The following COL19A1 variants were observed in gnomAD, a reference collection of about 807,000 sequenced individuals.
COL19A1 encodes collagen type XIX alpha 1 chain, also known as collagen alpha-1(XIX) chain.
Under a neutral mutation model 190.2 loss-of-function variants are expected in COL19A1, and 159 were observed. That is an observed-to-expected ratio of 0.84 (90% CI 0.73 to 0.95). The LOEUF is 0.95. Among genes scored for constraint, COL19A1 ranks in the 40% least tolerant of loss-of-function variants. The pLI is 0.00. For synonymous variants in COL19A1, 509 were observed against 458.9 expected, an observed-to-expected ratio of 1.11 and a Z score of -1.39; for missense variants, 1,418 against 1,431.9, an observed-to-expected ratio of 0.99 and a Z score of 0.16.
intron 9 of COL19A1, among the ~76,000 whole-genome samples, chr6:69,945,134 C>G (rs1380390369): frequency 6.6e-6 from 1 of 151,910 alleles, no homozygotes; most frequent in African/African-American, 2.4e-5. Context: ...GAAGTGTTAT[C>G]TGAGCTCCAT....
chr6:69,881,275 T>G (rs577217627), intron 2 of COL19A1, among the ~76,000 whole-genome samples: 2 of 152,214 alleles, frequency 1.3e-5, no homozygotes, highest in African/African-American at 2.4e-5. Flanking sequence ...TTCTTTTTTC[T>G]TTTCACCTGG....
chr6:69,904,899 A>G (rs1770447059), intron 4 of COL19A1, among the ~76,000 whole-genome samples: 1 of 151,560 alleles, frequency 6.6e-6, no homozygotes, highest in Non-Finnish European at 1.5e-5. Context: ...CTGAGCATGT[A>G]TTTCACACAG....
At chr6:70,086,341 A>G (rs965378120) in intron 15 of COL19A1, among the ~76,000 whole-genome samples, 3 of 152,160 alleles carry the variant, frequency 2.0e-5, no homozygotes, top group Non-Finnish European at 4.4e-5. Flanking sequence ...GAAAAAATAC[A>G]TAAGTACATA....
intron 16 of COL19A1, among the ~76,000 whole-genome samples, chr6:70,109,564 G>C (rs1178052413): frequency 6.6e-6 from 1 of 151,688 alleles, no homozygotes; most frequent in Non-Finnish European, 1.5e-5. Context: ...GTGTGTGTGT[G>C]TGTGTGTGTG....
chr6:70,046,810 C>G (rs1276708639), intron 14 of COL19A1, among the ~76,000 whole-genome samples: 1 of 152,100 alleles, frequency 6.6e-6, no homozygotes, highest in East Asian at 1.9e-4. Flanking sequence ...TGTGAAATAA[C>G]TTGCTATAAA....
intron 11 of COL19A1, 115 bp from the exon 12 acceptor site, chr6:70,023,512 A>G (rs1778553957): frequency 5.1e-6 from 4 of 778,104 alleles, no homozygotes; most frequent in African/African-American, 1.8e-5. Flanking sequence ...GTGCCTTTCA[A>G]GGGTTTAGCA....
At chr6:70,061,538 AT>A (rs1317718602) in intron 14 of COL19A1, among the ~76,000 whole-genome samples, 2 of 152,014 alleles carry the variant, frequency 1.3e-5, no homozygotes, top group African/African-American at 4.8e-5. Context: ...TATCATAAAT[AT>A]TTTTTGCGTT....
chr6:70,092,705 T>C (rs1027724997), intron 15 of COL19A1, among the ~76,000 whole-genome samples: 1 of 152,194 alleles, frequency 6.6e-6, no homozygotes, highest in South Asian at 2.1e-4. Flanking sequence ...AATGTAGTTC[T>C]GTGAACTTAT....
At chr6:70,069,820 T>C (rs755261150) in intron 15 of COL19A1, among the ~76,000 whole-genome samples, 1 of 152,214 alleles carries the variant, frequency 6.6e-6, no homozygotes, top group Non-Finnish European at 1.5e-5. Flanking sequence ...TCATCTTTAT[T>C]GATTTTAATC....
At chr6:70,198,088 G>A (rs768203414) in intron 48 of COL19A1, among the ~76,000 whole-genome samples, 2 of 152,124 alleles carry the variant, frequency 1.3e-5, no homozygotes, top group Non-Finnish European at 1.5e-5. Flanking sequence ...ATCTGTTTAA[G>A]TATGCCTTTG....
At chr6:70,072,834 G>T (rs1291484052) in intron 15 of COL19A1, among the ~76,000 whole-genome samples, 1 of 152,078 alleles carries the variant, frequency 6.6e-6, no homozygotes, top group Non-Finnish European at 1.5e-5. Flanking sequence ...TCCTCCATGA[G>T]CTGGGAGCCT....
At chr6:70,157,755 A>G (rs1283529529) in intron 34 of COL19A1, among the ~76,000 whole-genome samples, 2 of 152,154 alleles carry the variant, frequency 1.3e-5, no homozygotes, top group Non-Finnish European at 1.5e-5. Flanking sequence ...AGGTTTTACT[A>G]AAGTACAAGC....
intron 10 of COL19A1, among the ~76,000 whole-genome samples, chr6:69,962,370 A>G (rs1275745835): frequency 1.3e-5 from 2 of 152,240 alleles, no homozygotes. Context: ...ACCTGAACTC[A>G]TTCATCATAA....
intron 31 of COL19A1, among the ~76,000 whole-genome samples, chr6:70,155,876 A>C (rs1312110969): frequency 6.6e-6 from 1 of 152,132 alleles, no homozygotes; most frequent in Non-Finnish European, 1.5e-5. Flanking sequence ...TTTAAGTGTC[A>C]TTGGAGACCT....
chr6:70,207,902 A>G lies in COL19A1; in HGVS notation c.*628A>G, dbSNP rs1338641432. 3 of 152,210 alleles carry G rather than the reference A, an allele frequency of 2.0e-5. No homozygotes were observed. Among genetic ancestry groups the G allele is most frequent in the Admixed American group, 2.0e-4 (3 of 15,284 alleles). The allele number at this position is 152,210 out of a possible 1,614,324, so 9.4% of individuals were successfully genotyped here. ...GGAAACTGTTTTATCAGGGAGCCCA[A>G]ACACCCAGCATAGCCAACTACTGAA... On this transcript the variant is annotated 3_prime_UTR_variant, in exon 51 of 51. Coordinates refer to ENST00000620364, the MANE Select transcript of COL19A1 (RefSeq NM_001858.6).
intron 4 of COL19A1, among the ~76,000 whole-genome samples, chr6:69,916,057 C>T (rs940148568): frequency 6.6e-6 from 1 of 151,862 alleles, no homozygotes; most frequent in African/African-American, 2.4e-5. Context: ...CTGCCTCAGC[C>T]TCCCAAGTAG....
At chr6:70,141,120 C>T in intron 20 of COL19A1, 131 bp downstream of exon 20, 3 of 781,560 alleles carry the variant, frequency 3.8e-6, no homozygotes, top group Non-Finnish European at 6.0e-6. Flanking sequence ...TTACTTTTTC[C>T]TCTGTGATTT....
intron 11 of COL19A1, among the ~76,000 whole-genome samples, chr6:69,997,614 A>G (rs1776997254): frequency 6.6e-6 from 1 of 152,216 alleles, no homozygotes; most frequent in Non-Finnish European, 1.5e-5. Context: ...TTTACTAGCT[A>G]GACTCACAGT....
chr6:70,109,541 A>AGTGTGTGTGT (rs60219800), intron 16 of COL19A1, among the ~76,000 whole-genome samples: 11 of 143,892 alleles, frequency 7.6e-5, no homozygotes, highest in African/African-American at 2.3e-4. Flanking sequence ...CCGTTTTGTA[A>AGTGTGTGTGT]GTGTGTGTGT....
Sources: allele counts gnomAD v4.1 joint callset (sites outside exome capture counted in the v4.1 genomes callset), GRCh38; gene constraint gnomAD v4.1.1; transcripts MANE v1.5; gene names NCBI Gene and HGNC (gene_info 2026-07-23, HGNC 2026-07-21).